Variants in EPM2A observed in about 807,000 individuals in gnomAD.
EPM2A encodes the protein laforin.
Under a neutral mutation model 26.5 loss-of-function variants are expected in EPM2A, and 21 were observed. The observed-to-expected ratio is 0.79, with a 90% CI of 0.56 to 1.14. The LOEUF (loss-of-function observed/expected upper bound fraction) is 1.14. Ranked by LOEUF, EPM2A falls within the 50% of genes most tolerant of loss-of-function variation. The pLI is 0.00. For synonymous variants in EPM2A, 217 were observed against 177.6 expected (o/e 1.22, Z -1.76); for missense variants, 458 against 440.8 (o/e 1.04, Z -0.35).
intron 4 of EPM2A, among the ~76,000 whole-genome samples, chr6:145,430,431 C>A (rs1012114798): frequency 2.0e-5 from 3 of 151,792 alleles, no homozygotes; most frequent in African/African-American, 4.8e-5. Context: ...GAAACCCCGT[C>A]TCTACTAAAA....
chr6:145,532,134 G>A (rs1056727746), intron 2 of EPM2A, among the ~76,000 whole-genome samples: 10 of 152,234 alleles, frequency 6.6e-5, no homozygotes, highest in African/African-American at 2.2e-4. Flanking sequence ...ATGCAAACCC[G>A]GAATAAGAAC....
At chr6:145,528,108 A>G (rs1356216924) in intron 2 of EPM2A, among the ~76,000 whole-genome samples, 1 of 152,194 alleles carries the variant, frequency 6.6e-6, no homozygotes, top group African/African-American at 2.4e-5. Flanking sequence ...AGAAAGCTGC[A>G]GGAAAAAATG....
chr6:145,431,444 G>A (rs1351677682), intron 4 of EPM2A, among the ~76,000 whole-genome samples: 1 of 152,154 alleles, frequency 6.6e-6, no homozygotes, highest in Admixed American at 6.5e-5. Context: ...AACTGCCATG[G>A]AAAGGCAAAT....
At chr6:145,732,849 T>C (rs1236010372) in intron 1 of EPM2A, among the ~76,000 whole-genome samples, 1 of 152,226 alleles carries the variant, frequency 6.6e-6, no homozygotes, top group Non-Finnish European at 1.5e-5. Flanking sequence ...CCATATGTCC[T>C]CTTGTAAGTT....
At chr6:145,500,476 T>C (rs562454639), downstream of EPM2A, among the ~76,000 whole-genome samples, 4 of 152,344 alleles carry the variant, frequency 2.6e-5, no homozygotes, top group Admixed American at 6.5e-5. Context: ...CACTCAGATA[T>C]GTGGAACAGA....
intron 2 of EPM2A, among the ~76,000 whole-genome samples, chr6:145,656,689 C>T (rs1402893250): frequency 6.6e-6 from 1 of 152,120 alleles, no homozygotes; most frequent in East Asian, 1.9e-4. Flanking sequence ...AAACGGTTGA[C>T]ATGATTATAG....
At chr6:145,521,226 C>T (rs397418) in intron 2 of EPM2A, among the ~76,000 whole-genome samples, 68,484 of 151,890 alleles carry the variant, frequency 0.45, 15,477 homozygotes, top group South Asian at 0.58. Context: ...GAAGTTTTCA[C>T]GTAAATTCTC....
intron 4 of EPM2A, among the ~76,000 whole-genome samples, chr6:145,438,288 C>T (rs1473206478): frequency 2.6e-5 from 4 of 152,050 alleles, no homozygotes; most frequent in African/African-American, 7.3e-5. Flanking sequence ...GCAGGGCTGA[C>T]AGTACAGGGA....
At chr6:145,730,183 T>A (rs1024746916) in intron 1 of EPM2A, among the ~76,000 whole-genome samples, 2 of 152,182 alleles carry the variant, frequency 1.3e-5, no homozygotes, top group East Asian at 3.8e-4. Context: ...TTACCCAATC[T>A]CAGCTACTTC....
chr6:145,449,542 A>C (rs2114707497), intron 4 of EPM2A, among the ~76,000 whole-genome samples: 1 of 152,306 alleles, frequency 6.6e-6, no homozygotes, highest in South Asian at 2.1e-4. Flanking sequence ...CTAACATAAA[A>C]GTTGGAAATA....
At chr6:145,606,775 G>A (rs751387943) in intron 2 of EPM2A, among the ~76,000 whole-genome samples, 7 of 152,082 alleles carry the variant, frequency 4.6e-5, no homozygotes, top group Non-Finnish European at 8.8e-5. Context: ...ACATACTTTG[G>A]CAGATTTGTT....
At chr6:145,681,925 T>C (rs867378680) in intron 2 of EPM2A, among the ~76,000 whole-genome samples, 40 of 152,290 alleles carry the variant, frequency 2.6e-4, no homozygotes, top group Admixed American at 5.2e-4. Context: ...AGGCTAATTA[T>C]GTAAAGTACC....
intron 2 of EPM2A, among the ~76,000 whole-genome samples, chr6:145,577,823 C>CA (rs957072394): frequency 6.6e-5 from 10 of 150,842 alleles, no homozygotes; most frequent in East Asian, 1.9e-4. Context: ...TCAAAAATTT[C>CA]AAAAAAAATT....
intron 2 of EPM2A, among the ~76,000 whole-genome samples, chr6:145,505,652 G>A (rs1582807609): frequency 1.3e-5 from 2 of 151,928 alleles, no homozygotes. Flanking sequence ...TAAGAGCAAA[G>A]TCTTAGTTGT....
downstream of EPM2A, among the ~76,000 whole-genome samples, chr6:145,620,606 G>A (rs1775612371): frequency 6.6e-6 from 1 of 152,140 alleles, no homozygotes; most frequent in Admixed American, 6.5e-5. Flanking sequence ...TCTATTCAGT[G>A]AATTCTGAGT....
intron 2 of EPM2A, among the ~76,000 whole-genome samples, chr6:145,512,665 C>T (rs530709463): frequency 4.3e-4 from 58 of 133,884 alleles, no homozygotes; most frequent in Non-Finnish European, 7.4e-4. Flanking sequence ...GAGCCGAGAT[C>T]GCACCACTGT....
In EPM2A at chr6:145,397,549, T is replaced by C. The variant is rs146706547; in HGVS notation, c.556-13452A>G. ...AATTACAGGGGGAACTCCCAGCTTA[T>C]TGCCAGAAGCTCTTCAAAGCTGTAG... is the stretch of plus-strand genomic sequence containing the variant. On this transcript the variant is annotated intron_variant, in intron 4 of 4. Transcript: ENST00000638717. 2.5e-3 allele frequency among the ~76,000 whole-genome samples: 388 copies of C among 152,332 alleles called. 1 individual carries two copies. Among genetic ancestry groups the C allele is most frequent in the African/African-American group, 8.9e-3 (370 of 41,590 alleles).
At chr6:145,732,411 CATATAT>C (rs759887054) in intron 1 of EPM2A, among the ~76,000 whole-genome samples, 2,310 of 56,346 alleles carry the variant, frequency 0.041, 17 homozygotes, top group East Asian at 0.074. Context: ...CACACACACA[CATATAT>C]ATATATATAT....
At chr6:145,410,388 C>A (rs1276555207) in intron 4 of EPM2A, among the ~76,000 whole-genome samples, 1 of 152,064 alleles carries the variant, frequency 6.6e-6, no homozygotes, top group Non-Finnish European at 1.5e-5. Flanking sequence ...GGTTTGAGGG[C>A]AAATTGGAGC....
Sources: gnomAD v4.1 joint callset for allele counts (sites outside exome capture counted in the v4.1 genomes callset) on GRCh38, gnomAD v4.1.1 for gene constraint, MANE v1.5 for transcripts, NCBI Gene and HGNC (gene_info 2026-07-23, HGNC 2026-07-21) for gene names.